Variants in MARCHF1 observed in about 807,000 individuals in gnomAD.
MARCHF1 encodes membrane associated ring-CH-type finger 1.
In MARCHF1, 40 loss-of-function variants were observed where a neutral mutation model predicts 54.2. The observed-to-expected ratio is 0.74, with a 90% CI of 0.57 to 0.96. MARCHF1 has a LOEUF of 0.96. Among genes scored for constraint, MARCHF1 ranks in the 40% least tolerant of loss-of-function variants. The probability of loss-of-function intolerance (pLI) is 0.00; values close to 1 mark genes in which losing one functional copy is unlikely to be tolerated. For synonymous variants in MARCHF1, 236 were observed against 236.3 expected (o/e 1.00, Z 0.01); for missense variants, 586 against 656.5 (o/e 0.89, Z 1.17).
intron 2 of MARCHF1, among the ~76,000 whole-genome samples, chr4:164,043,445 G>A (rs1198193592): frequency 6.6e-6 from 1 of 152,120 alleles, no homozygotes; most frequent in Non-Finnish European, 1.5e-5. Context: ...GCCACAGCTG[G>A]AGCTGGAGCA....
At chr4:163,984,914 A>G (rs1414026284) in intron 3 of MARCHF1, among the ~76,000 whole-genome samples, 1 of 152,212 alleles carries the variant, frequency 6.6e-6, no homozygotes, top group Non-Finnish European at 1.5e-5. Context: ...ATCTGGAACT[A>G]TGAACCATTT....
chr4:163,948,794 C>T (rs1279515902), intron 3 of MARCHF1, among the ~76,000 whole-genome samples: 3 of 152,140 alleles, frequency 2.0e-5, no homozygotes, highest in African/African-American at 7.2e-5. Context: ...GAACAATCAG[C>T]AACAACTTTG....
chr4:164,294,366 A>T (rs1734360306), intron 1 of MARCHF1, among the ~76,000 whole-genome samples: 1 of 152,116 alleles, frequency 6.6e-6, no homozygotes, highest in South Asian at 2.1e-4. Context: ...ATAATACACA[A>T]ATCAATTGTA....
At chr4:164,104,481 A>G in intron 2 of MARCHF1, among the ~76,000 whole-genome samples, 1 of 41,964 alleles carries the variant, frequency 2.4e-5, no homozygotes, top group African/African-American at 5.8e-5. Context: ...CAATAAATGT[A>G]ATCCAGCATA....
At chr4:163,655,251 A>T (rs1181463078) in intron 5 of MARCHF1, among the ~76,000 whole-genome samples, 1 of 151,532 alleles carries the variant, frequency 6.6e-6, no homozygotes, top group Non-Finnish European at 1.5e-5. Flanking sequence ...ATTTCATGAC[A>T]TTTCGTACTT....
At chr4:164,100,342 G>T (rs542988520) in intron 2 of MARCHF1, among the ~76,000 whole-genome samples, 2 of 152,186 alleles carry the variant, frequency 1.3e-5, no homozygotes, top group East Asian at 3.9e-4. Flanking sequence ...ACGGTATGTG[G>T]TATATCTCCA....
chr4:164,144,254 C>T (rs1400401811), intron 1 of MARCHF1, among the ~76,000 whole-genome samples: 1 of 151,444 alleles, frequency 6.6e-6, no homozygotes, highest in Non-Finnish European at 1.5e-5. Flanking sequence ...CAACATTAGA[C>T]AGATCAATGA....
intron 3 of MARCHF1, among the ~76,000 whole-genome samples, chr4:163,905,518 T>A (rs1163465892): frequency 6.6e-6 from 1 of 152,040 alleles, no homozygotes; most frequent in African/African-American, 2.4e-5. Context: ...TTAGGTTATA[T>A]CACAGAAAAA....
In MARCHF1 at chr4:163,527,672, A is replaced by C. The variant is rs1327610220; in HGVS notation, c.*1076T>G. The C allele has an allele frequency of 6.6e-6, 1 of 152,052 alleles. No individual in the cohort carries two copies. The highest frequency in any genetic ancestry group is 1.5e-5 in the Non-Finnish European group (1 of 67,960). The allele number at this position is 152,052 out of a possible 1,614,324, so 9.4% of individuals were successfully genotyped here. ...TAAAAGAATGAATTAAACTGTTTTG[A>C]AATACTCAACAACTGTTAAATAAAG... is the stretch of plus-strand genomic sequence containing the variant. On this transcript the variant is annotated 3_prime_UTR_variant, in exon 10 of 10. Transcript: ENST00000514618.
chr4:164,074,063 G>T (rs977368971), intron 2 of MARCHF1, among the ~76,000 whole-genome samples: 3 of 152,104 alleles, frequency 2.0e-5, no homozygotes, highest in African/African-American at 7.2e-5. Context: ...TATTCCCTGA[G>T]ATCTTGCTAT....
At chr4:163,727,146 T>C (rs1745681064) in intron 4 of MARCHF1, among the ~76,000 whole-genome samples, 1 of 152,184 alleles carries the variant, frequency 6.6e-6, no homozygotes, top group South Asian at 2.1e-4. Context: ...TCACCAAACC[T>C]AAGGTCATTT....
At chr4:163,816,721 C>T (rs1278643523) in intron 4 of MARCHF1, among the ~76,000 whole-genome samples, 1 of 152,088 alleles carries the variant, frequency 6.6e-6, no homozygotes, top group Non-Finnish European at 1.5e-5. Context: ...TGAGCAACTG[C>T]AGAGCTGGGA....
chr4:163,562,312 A>AAAACAAAAC (rs1390939972), intron 8 of MARCHF1, among the ~76,000 whole-genome samples: 87 of 151,120 alleles, frequency 5.8e-4, no homozygotes, highest in African/African-American at 1.9e-3. Context: ...AAAACAAAAC[A>AAAACAAAAC]AAACAAAACA....
chr4:163,702,848 C>T (rs1744846887), intron 4 of MARCHF1, among the ~76,000 whole-genome samples: 1 of 152,026 alleles, frequency 6.6e-6, no homozygotes. Context: ...ACCTTTTTGC[C>T]ACGGCTACGT....
At chr4:164,161,525 AATC>A (rs71600682) in intron 1 of MARCHF1, among the ~76,000 whole-genome samples, 3 of 149,538 alleles carry the variant, frequency 2.0e-5, no homozygotes, top group Admixed American at 6.7e-5. Flanking sequence ...GTGATATCAA[AATC>A]ATCATCATCA....
At chr4:163,711,814 T>C (rs772397576) in intron 4 of MARCHF1, among the ~76,000 whole-genome samples, 7 of 152,206 alleles carry the variant, frequency 4.6e-5, no homozygotes, top group Non-Finnish European at 1.0e-4. Context: ...TCATACTCAT[T>C]GCAAATTGAC....
In MARCHF1 at chr4:164,220,528, G is replaced by A. The variant is rs376199030; in HGVS notation, c.-322-108866C>T. Among the ~76,000 whole-genome samples, 32 of 143,692 alleles carry A rather than the reference G, an allele frequency of 2.2e-4. No homozygotes were observed. The East Asian group carries it at 2.4e-3, about 11-fold the overall frequency. 94.3% of individuals were successfully genotyped at this position (143,692 alleles called of 152,430 possible). A position where few individuals can be genotyped will look rare whatever the true frequency, so the allele number is the denominator to read the frequency against. On this transcript the variant is annotated intron_variant, in intron 1 of 9. Transcript: ENST00000514618. Reference sequence around the variant, plus strand: ...AATGGCATATATATGTAATATATATGATATATATCTATATATGTACTATAT... The same window carrying A: ...AATGGCATATATATGTAATATATATAATATATATCTATATATGTACTATAT...
At chr4:163,640,273 A>G (rs1321603146) in intron 5 of MARCHF1, among the ~76,000 whole-genome samples, 1 of 152,156 alleles carries the variant, frequency 6.6e-6, no homozygotes, top group Non-Finnish European at 1.5e-5. Flanking sequence ...GTCTCTCAAC[A>G]GGATTGTCAA....
intron 1 of MARCHF1, among the ~76,000 whole-genome samples, chr4:164,260,089 G>A (rs1295880222): frequency 1.3e-5 from 2 of 151,952 alleles, no homozygotes; most frequent in Non-Finnish European, 2.9e-5. Flanking sequence ...CAAGAAATGT[G>A]GAGATAAATA....
Sources: gnomAD v4.1 joint callset for allele counts (sites outside exome capture counted in the v4.1 genomes callset) on GRCh38, gnomAD v4.1.1 for gene constraint, MANE v1.5 for transcripts, NCBI Gene and HGNC (gene_info 2026-07-23, HGNC 2026-07-21) for gene names.